ARHGAP18: variants seen among roughly 807,000 people sequenced by gnomAD.
ARHGAP18 encodes rho GTPase-activating protein 18.
In ARHGAP18, 67 loss-of-function variants were observed where a neutral mutation model predicts 86.2. The ratio of observed to expected loss-of-function variants is 0.78; its 90% confidence interval spans 0.64 to 0.95. The LOEUF (loss-of-function observed/expected upper bound fraction) is 0.95, where lower values mean the gene tolerates loss of function less well. ARHGAP18 is among the 40% of genes least tolerant of loss of function. The pLI, the probability that ARHGAP18 is intolerant of heterozygous loss-of-function variation, is 0.00. For missense variants in ARHGAP18, 691 were observed against 780.4 expected (o/e 0.89, Z 1.37); for synonymous variants, 283 against 280.4 (o/e 1.01, Z -0.09).
intron 6 of ARHGAP18, among the ~76,000 whole-genome samples, chr6:129,616,812 C>T (rs1390777990): frequency 6.6e-6 from 1 of 151,880 alleles, no homozygotes; most frequent in Non-Finnish European, 1.5e-5. Context: ...AAAAATTAGG[C>T]AGGTATGATG....
intron 2 of ARHGAP18, among the ~76,000 whole-genome samples, chr6:129,639,719 C>A (rs541943730): frequency 6.6e-6 from 1 of 152,040 alleles, no homozygotes; most frequent in Non-Finnish European, 1.5e-5. Context: ...CTGTGCACAC[C>A]AGACAACAAA....
chr6:129,693,934 G>A (rs879895514), intron 1 of ARHGAP18, among the ~76,000 whole-genome samples: 22 of 152,220 alleles, frequency 1.4e-4, no homozygotes, highest in African/African-American at 4.8e-4. Flanking sequence ...GCCAGTCGAC[G>A]TCAAGGCGGC....
Position 129,627,673 on chromosome 6 carries a change from AAGAG to A in ARHGAP18, c.786+1676_786+1679del, listed in dbSNP as rs558306346. On this transcript the variant is annotated intron_variant, in intron 5 of 14. Transcript: ENST00000368149. ...AAAGGAAGAAAGAAGGAAGGAAGGA[AAGAG>A]AGAGAGGGAGAGAGAAAGAAACAGA... Among the ~76,000 whole-genome samples the A allele has an allele frequency of 4.3e-4, 66 of 152,068 alleles. 2 individuals are homozygous for A. In the South Asian group the frequency reaches 7.5e-3, roughly 17 times the overall value.
intron 5 of ARHGAP18, among the ~76,000 whole-genome samples, chr6:129,627,290 TAATA>T (rs1420825980): frequency 3.3e-5 from 5 of 152,006 alleles, no homozygotes; most frequent in African/African-American, 4.8e-5. Flanking sequence ...ATATCCAAAT[TAATA>T]AATAAAAAGA....
At chr6:129,676,823 C>T (rs1774238896) in intron 1 of ARHGAP18, among the ~76,000 whole-genome samples, 2 of 147,230 alleles carry the variant, frequency 1.4e-5, no homozygotes, top group African/African-American at 5.0e-5. Flanking sequence ...GTCCCTTAAA[C>T]ACAAAAATCT....
intron 6 of ARHGAP18, 125 bp downstream of exon 6, chr6:129,618,562 A>T: frequency 1.2e-6 from 1 of 842,788 alleles, no homozygotes; most frequent in Non-Finnish European, 1.8e-6. Context: ...TATAAACTTT[A>T]GATGTATTCA....
At chr6:129,611,635 T>C in intron 7 of ARHGAP18, 25 bp from the exon 8 acceptor site, 1 of 1,599,942 alleles carries the variant, frequency 6.3e-7, no homozygotes, top group South Asian at 1.1e-5. Context: ...AGAAACATTC[T>C]AATTTCCGTA....
intron 2 of ARHGAP18, among the ~76,000 whole-genome samples, chr6:129,640,042 C>CAAAAAA (rs374771260): frequency 3.4e-4 from 25 of 72,826 alleles, no homozygotes; most frequent in African/African-American, 7.3e-4. Flanking sequence ...GAGACTGTCT[C>CAAAAAA]AAAAAAAAAA....
At chr6:129,612,378 G>A (rs1788997545) in intron 7 of ARHGAP18, among the ~76,000 whole-genome samples, 1 of 152,156 alleles carries the variant, frequency 6.6e-6, no homozygotes, top group Non-Finnish European at 1.5e-5. Context: ...CAGTTTTCCT[G>A]TCCTCAGTTT....
intron 1 of ARHGAP18, among the ~76,000 whole-genome samples, chr6:129,676,948 TA>T (rs559466970): frequency 9.3e-6 from 1 of 107,094 alleles, no homozygotes; most frequent in East Asian, 3.0e-4. Context: ...TTTTTTTTTT[TA>T]AGGAAGGAAA....
chr6:129,648,154 CTTTT>C (rs548516326), intron 1 of ARHGAP18, among the ~76,000 whole-genome samples: 1 of 148,710 alleles, frequency 6.7e-6, no homozygotes, highest in Non-Finnish European at 1.5e-5. Context: ...TTCCAATGCA[CTTTT>C]TTTTTTAATT....
intron 1 of ARHGAP18, among the ~76,000 whole-genome samples, chr6:129,667,365 A>G (rs1308902029): frequency 1.3e-5 from 2 of 152,058 alleles, no homozygotes; most frequent in Non-Finnish European, 2.9e-5. Context: ...AGTTCCCTGT[A>G]TCTTTAATAA....
intron 1 of ARHGAP18, among the ~76,000 whole-genome samples, chr6:129,659,954 A>T (rs959274021): frequency 1.3e-5 from 2 of 152,098 alleles, no homozygotes; most frequent in Non-Finnish European, 1.5e-5. Flanking sequence ...TGGCAACCAC[A>T]CAAGCAAAGA....
At chr6:129,709,287 G>T (rs1359902141) in intron 1 of ARHGAP18, among the ~76,000 whole-genome samples, 1 of 145,464 alleles carries the variant, frequency 6.9e-6, no homozygotes, top group African/African-American at 2.5e-5. Flanking sequence ...AGGAGAGAAA[G>T]AAAAAAAAAA....
At chr6:129,669,852 A>T (rs971071252) in intron 1 of ARHGAP18, among the ~76,000 whole-genome samples, 2 of 152,214 alleles carry the variant, frequency 1.3e-5, no homozygotes, top group African/African-American at 4.8e-5. Flanking sequence ...ATGAAGCTAT[A>T]TTCAAGCAAT....
intron 9 of ARHGAP18, among the ~76,000 whole-genome samples, chr6:129,606,482 A>T (rs1025151306): frequency 6.6e-6 from 1 of 152,224 alleles, no homozygotes; most frequent in East Asian, 1.9e-4. Flanking sequence ...CAACAGTCTA[A>T]GAGGTGCATT....
rs939275991 is a variant in ARHGAP18, at chr6:129,576,791, TATTA to T, written c.*1718_*1721del. ...TAAGCACTTAATTTTTCTTTTATATTATTAATTGTTTTCAACCCACTAATAAGTA... is the reference window on the plus strand; with the variant it reads ...TAAGCACTTAATTTTTCTTTTATATTATTGTTTTCAACCCACTAATAAGTA... On this transcript the variant is annotated 3_prime_UTR_variant, in exon 15 of 15. Transcript: ENST00000368149. 5.9e-5 allele frequency: 9 copies of T among 152,120 alleles called. No homozygotes were observed. The highest frequency in any genetic ancestry group is 2.1e-4 in the South Asian group (1 of 4,826). 9.4% of individuals were successfully genotyped at this position (152,120 alleles called of 1,614,324 possible).
chr6:129,661,851 A>T, intron 1 of ARHGAP18: 1 of 985,322 alleles, frequency 1.0e-6, no homozygotes, highest in Non-Finnish European at 1.2e-6. Context: ...TCACCCAGCG[A>T]ACAATTTTCC....
chr6:129,672,018 T>C (rs1158938054), intron 1 of ARHGAP18, among the ~76,000 whole-genome samples: 1 of 152,090 alleles, frequency 6.6e-6, no homozygotes, highest in African/African-American at 2.4e-5. Flanking sequence ...ATTACAACAC[T>C]CACAGCAGGA....
Sources: allele counts gnomAD v4.1 joint callset (sites outside exome capture counted in the v4.1 genomes callset), GRCh38; gene constraint gnomAD v4.1.1; transcripts MANE v1.5; gene names NCBI Gene and HGNC (gene_info 2026-07-23, HGNC 2026-07-21).